TRIM55: variants seen among roughly 807,000 people sequenced by gnomAD.
The protein encoded by TRIM55 is tripartite motif-containing protein 55.
A neutral mutation model predicts 60.9 loss-of-function variants in TRIM55; 50 were observed. That is an observed-to-expected ratio of 0.82 (90% confidence interval 0.65 to 1.04). The LOEUF is 1.04. Among genes scored for constraint, TRIM55 ranks in the 50% least tolerant of loss-of-function variants. The pLI, the probability that TRIM55 is intolerant of heterozygous loss-of-function variation, is 0.00. For missense variants in TRIM55, 681 were observed against 666.9 expected (o/e 1.02, Z -0.23); for synonymous variants, 237 against 238.1 (o/e 1.00, Z 0.04).
chr8:66,129,325 C>A (rs941125594), intron 2 of TRIM55, among the ~76,000 whole-genome samples: 2 of 152,128 alleles, frequency 1.3e-5, no homozygotes, highest in Non-Finnish European at 1.5e-5. Flanking sequence ...GCAGGTCAGT[C>A]CAGTCCACAA....
At chr8:66,113,420 A>G in the TRIM55 span, 2 of 438,660 alleles carry the variant, frequency 4.6e-6, no homozygotes, top group Non-Finnish European at 4.6e-6. Context: ...CCTCAGCAGG[A>G]GACATCCTTA....
chr8:66,128,314 C>T lies in TRIM55; in HGVS notation c.179C>T (p.Pro60Leu), dbSNP rs61760894. The change falls in exon 2 of 10, where the codon CCG becomes CTG. Residue 60 changes from proline (P) to leucine (L), a missense_variant. Physicochemically the swap from Pro to Leu is moderately conservative, Grantham distance 98. Transcript: ENST00000315962. ...CASDIFQASNPYLPTRGGTTM... is the reference protein window; with the variant it reads ...CASDIFQASNLYLPTRGGTTM... ...ACTTGGCAAGAACAGGCCTCTAACC[C>T]GTATTTGCCCACAAGAGGAGGTACC... 500 of 1,604,182 alleles carry T rather than the reference C, an allele frequency of 3.1e-4. No homozygotes were observed. Among genetic ancestry groups the T allele is most frequent in the Non-Finnish European group, 3.9e-4 (456 of 1,175,632 alleles).
At chr8:66,142,132 A>T (rs187672071) in intron 4 of TRIM55, among the ~76,000 whole-genome samples, 181 of 152,304 alleles carry the variant, frequency 1.2e-3, no homozygotes, top group African/African-American at 4.0e-3. Context: ...TTGAAATAAG[A>T]GGTACATTCC....
At chr8:66,150,304 CA>C in intron 6 of TRIM55, 37 bp from the exon 7 acceptor site, 1 of 1,613,964 alleles carries the variant, frequency 6.2e-7, no homozygotes, top group Non-Finnish European at 8.5e-7. Flanking sequence ...ATCCAATTTT[CA>C]ACAGTGACAG....
At chr8:66,168,540 G>A (rs1481242896) in intron 9 of TRIM55, among the ~76,000 whole-genome samples, 1 of 152,224 alleles carries the variant, frequency 6.6e-6, no homozygotes. Flanking sequence ...TGGATACTGG[G>A]TGGTTGCCCA....
At chr8:66,118,879 G>GTGGA in the TRIM55 span, among the ~76,000 whole-genome samples, 2 of 152,178 alleles carry the variant, frequency 1.3e-5, no homozygotes, top group Non-Finnish European at 2.9e-5. Flanking sequence ...GGAGGGATGG[G>GTGGA]TGGATGGATG....
intron 9 of TRIM55, among the ~76,000 whole-genome samples, chr8:66,163,932 A>G (rs1811180409): frequency 1.3e-5 from 2 of 151,768 alleles, no homozygotes; most frequent in Admixed American, 1.3e-4. Context: ...TTTTTGCCTT[A>G]TGTGTTTGGA....
intron 4 of TRIM55, among the ~76,000 whole-genome samples, chr8:66,148,911 T>C (rs1234198735): frequency 6.6e-6 from 1 of 152,024 alleles, no homozygotes; most frequent in Non-Finnish European, 1.5e-5. Flanking sequence ...TAGCTGGGTG[T>C]GGTGGCAGGT....
In TRIM55 at chr8:66,174,511, C is replaced by G; in HGVS notation, c.1565C>G (p.Ala522Gly). ...CCTCCCCTCCAGGGACAGGCTGCAG[C>G]TCCAGCGAGTGGCAGTGGAGCTGAT... Reference protein sequence around the residue: ...EAPPLQGQAAAPASGSGADSE... With the variant: ...EAPPLQGQAAGPASGSGADSE... The change falls in exon 10 of 10, where the codon GCT becomes GGT. Residue 522 changes from alanine (A) to glycine (G), a missense_variant. Coordinates refer to ENST00000315962, the MANE Select transcript of TRIM55 (RefSeq NM_184085.2). 6.2e-7 allele frequency: 1 copy of G among 1,612,596 alleles called. No individual in the cohort carries two copies. The highest frequency in any genetic ancestry group is 8.5e-7 in the Non-Finnish European group (1 of 1,179,656).
At chr8:66,170,180 T>G (rs1473097827) in intron 9 of TRIM55, among the ~76,000 whole-genome samples, 1 of 152,166 alleles carries the variant, frequency 6.6e-6, no homozygotes, top group Non-Finnish European at 1.5e-5. Flanking sequence ...GTGCAACCAA[T>G]TGCTAGAACT....
At chr8:66,130,421 T>C (rs902942601) in intron 2 of TRIM55, among the ~76,000 whole-genome samples, 1 of 152,212 alleles carries the variant, frequency 6.6e-6, no homozygotes, top group Non-Finnish European at 1.5e-5. Context: ...GCCACATGTC[T>C]GGGAGGAAAC....
At chr8:66,116,683 A>ACT in the TRIM55 span, among the ~76,000 whole-genome samples, 1 of 152,086 alleles carries the variant, frequency 6.6e-6, no homozygotes, top group Non-Finnish European at 1.5e-5. Flanking sequence ...GATCTCTCAT[A>ACT]AAGAGAACAC....
At chr8:66,173,507 A>G (rs1196079040) in intron 9 of TRIM55, among the ~76,000 whole-genome samples, 1 of 152,224 alleles carries the variant, frequency 6.6e-6, no homozygotes, top group African/African-American at 2.4e-5. Flanking sequence ...AGGGCTTCTG[A>G]GCTGAATGCA....
chr8:66,134,409 A>G (rs1361912249), intron 2 of TRIM55, among the ~76,000 whole-genome samples: 2 of 152,232 alleles, frequency 1.3e-5, no homozygotes, highest in Non-Finnish European at 2.9e-5. Flanking sequence ...TTTTGGTTCC[A>G]TGTGAGCCAC....
At chr8:66,143,157 C>T (rs891731070) in intron 4 of TRIM55, among the ~76,000 whole-genome samples, 2 of 152,178 alleles carry the variant, frequency 1.3e-5, no homozygotes, top group African/African-American at 2.4e-5. Context: ...CACAGTTGCT[C>T]AGTGACAAGT....
intron 9 of TRIM55, among the ~76,000 whole-genome samples, chr8:66,167,525 C>T (rs572885605): frequency 6.6e-6 from 1 of 152,336 alleles, no homozygotes; most frequent in Admixed American, 6.5e-5. Flanking sequence ...CTGGACAACA[C>T]ACTTAACACA....
chr8:66,165,714 G>A (rs556079137), intron 9 of TRIM55, among the ~76,000 whole-genome samples: 32 of 152,250 alleles, frequency 2.1e-4, no homozygotes, highest in Admixed American at 7.8e-4. Flanking sequence ...TAACAATAGA[G>A]AAAAACTGAT....
the TRIM55 span, among the ~76,000 whole-genome samples, chr8:66,117,390 A>G: frequency 1.3e-5 from 2 of 152,358 alleles, no homozygotes; most frequent in East Asian, 1.9e-4. Flanking sequence ...TGAAATGATA[A>G]TATTTTAGAT....
intron 9 of TRIM55, among the ~76,000 whole-genome samples, chr8:66,173,158 G>A (rs149206339): frequency 2.2e-3 from 333 of 152,158 alleles, no homozygotes; most frequent in Non-Finnish European, 3.5e-3. Context: ...GCCCAATTTC[G>A]CTTGATGTTT....
Sources: gnomAD v4.1 joint callset for allele counts (sites outside exome capture counted in the v4.1 genomes callset) on GRCh38, gnomAD v4.1.1 for gene constraint, MANE v1.5 for transcripts, NCBI Gene and HGNC (gene_info 2026-07-23, HGNC 2026-07-21) for gene names.